Variants in GMFB observed in about 807,000 individuals in gnomAD.
The protein encoded by GMFB is GMF-beta.
In GMFB, 13 loss-of-function variants were observed where a neutral mutation model predicts 25.6. The observed-to-expected ratio is 0.51, with a 90% CI of 0.33 to 0.81. The LOEUF (loss-of-function observed/expected upper bound fraction) is 0.81. Ranked by LOEUF, GMFB falls within the 30% of genes least tolerant of loss-of-function variation. The probability of loss-of-function intolerance (pLI) is 0.02; values close to 1 mark genes in which losing one functional copy is unlikely to be tolerated. For synonymous variants in GMFB, 57 were observed against 56.9 expected (o/e 1.00, Z 0.00); for missense variants, 146 against 175.4 (o/e 0.83, Z 0.95).
At chr14:54,478,893 C>T (rs2031674623) in intron 6 of GMFB, 7 of 152,160 alleles carry the variant, frequency 4.6e-5, no homozygotes, top group Admixed American at 4.6e-4. Context: ...TCAACTTCAG[C>T]ACTGTAGGGC....
chr14:54,488,880 G>C (rs1014776474), intron 1 of GMFB, 45 bp downstream of exon 1: 8 of 1,533,402 alleles, frequency 5.2e-6, no homozygotes, highest in East Asian at 2.7e-5. Flanking sequence ...CCGGCTGGCC[G>C]GCTCGCCCAG....
chr14:54,483,456 A>AT (rs2031740488), intron 2 of GMFB: 3 of 529,622 alleles, frequency 5.7e-6, no homozygotes. Context: ...CAGGCAGCTG[A>AT]TAAAAGGACT....
rs2031661588 is a variant in GMFB at position 54,477,952 on chromosome 14, C to A, written c.*136G>T. 1.8e-5 allele frequency: 9 copies of A among 490,750 alleles called. No homozygotes were observed. The South Asian group carries it at 3.3e-4, about 18-fold the overall frequency. 30.4% of individuals were successfully genotyped at this position (490,750 alleles called of 1,614,324 possible). A position where few individuals can be genotyped will look rare whatever the true frequency, so the allele number is the denominator to read the frequency against. On this transcript the variant is annotated 3_prime_UTR_variant, in exon 7 of 7. Transcript: ENST00000358056. ...ATTTCCTCTTTGTTCAAATTTTGCA[C>A]AAATGAAGAATTTTTCTTTACTGCA...
chr14:54,485,425 C>T (rs1461215009), intron 1 of GMFB, among the ~76,000 whole-genome samples: 1 of 152,000 alleles, frequency 6.6e-6, no homozygotes, highest in East Asian at 1.9e-4. Context: ...ATCTCACTTA[C>T]AATAGCTATA....
At chr14:54,480,749 C>A (rs2031699998) in intron 5 of GMFB, 125 bp downstream of exon 5, 1 of 624,046 alleles carries the variant, frequency 1.6e-6, no homozygotes, top group Non-Finnish European at 2.9e-6. Flanking sequence ...CACATAGACA[C>A]AGACCCTCCT....
chr14:54,487,510 A>T (rs1384293943), intron 1 of GMFB, among the ~76,000 whole-genome samples: 1 of 151,366 alleles, frequency 6.6e-6, no homozygotes, highest in Non-Finnish European at 1.5e-5. Context: ...CTGCACTCCA[A>T]CCAACGCGAC....
intron 1 of GMFB, among the ~76,000 whole-genome samples, chr14:54,485,620 C>T (rs1401297418): frequency 1.3e-5 from 2 of 152,126 alleles, no homozygotes; most frequent in Admixed American, 1.3e-4. Context: ...TCAATGCAAT[C>T]CCCATCAAAA....
intron 1 of GMFB, among the ~76,000 whole-genome samples, chr14:54,486,215 A>G (rs1012603447): frequency 2.0e-5 from 3 of 152,186 alleles, no homozygotes; most frequent in African/African-American, 7.2e-5. Flanking sequence ...GCACCACTGC[A>G]CTCTAGCCTG....
rs745994511 is a variant in GMFB at position 54,479,867 on chromosome 14, A to C, written c.284-8T>G. Reference sequence around the variant, plus strand: ...GTTGTTCAGGCTTACATCCTGGAAAAGAGAGATTAGTGTAGAAATGAGACA... The same window carrying C: ...GTTGTTCAGGCTTACATCCTGGAAACGAGAGATTAGTGTAGAAATGAGACA... On this transcript the variant is annotated splice_polypyrimidine_tract_variant and splice_region_variant and intron_variant, in intron 5 of 6. Coordinates refer to ENST00000358056, the MANE Select transcript of GMFB (RefSeq NM_004124.3). 3 of 1,544,790 alleles carry C rather than the reference A, an allele frequency of 1.9e-6. No individual in the cohort carries two copies. The highest frequency in any genetic ancestry group is 1.8e-6 in the Non-Finnish European group (2 of 1,117,602).
intron 5 of GMFB, 96 bp from the exon 6 acceptor site, chr14:54,479,955 T>C (rs2031689346): frequency 1.4e-6 from 1 of 739,572 alleles, no homozygotes; most frequent in South Asian, 1.6e-5. Flanking sequence ...CATTTAGGAT[T>C]TCCTTTGCTA....
At chr14:54,485,011 G>A (rs1331954573) in intron 1 of GMFB, among the ~76,000 whole-genome samples, 2 of 151,840 alleles carry the variant, frequency 1.3e-5, no homozygotes, top group Non-Finnish European at 1.5e-5. Context: ...ATTGGGTATA[G>A]AAAGAACACA....
intron 1 of GMFB, among the ~76,000 whole-genome samples, chr14:54,485,985 C>G (rs1312005712): frequency 6.6e-6 from 1 of 152,230 alleles, no homozygotes; most frequent in East Asian, 1.9e-4. Flanking sequence ...GGCACAGTGG[C>G]TCACGCCTGT....
In GMFB at chr14:54,475,866, TA is replaced by T. The variant is rs1283260866; in HGVS notation, c.*2221del. ...GTTGTACCAGAAAGATAACGGAATG[TA>T]AAAACTGGAATTATGAAATCTGGAG... On this transcript the variant is annotated 3_prime_UTR_variant, in exon 7 of 7. Transcript: ENST00000358056. The T allele has an allele frequency of 6.6e-6, 1 of 152,096 alleles. No individual in the cohort carries two copies. The highest frequency in any genetic ancestry group is 2.4e-5 in the African/African-American group (1 of 41,400). The allele number at this position is 152,096 out of a possible 1,614,324, so 9.4% of individuals were successfully genotyped here.
intron 6 of GMFB, 188 bp downstream of exon 6, chr14:54,479,598 A>C (rs968367122): frequency 2.1e-6 from 1 of 472,282 alleles, no homozygotes; most frequent in African/African-American, 2.0e-5. Flanking sequence ...TTATTCAAAA[A>C]ATACACTTTG....
chr14:54,483,880 A>G (rs2031746989), intron 1 of GMFB, 113 bp from the exon 2 acceptor site: 4 of 724,408 alleles, frequency 5.5e-6, no homozygotes, highest in Non-Finnish European at 1.0e-5. Flanking sequence ...AATGTCAATT[A>G]AGTGAAAGCA....
intron 1 of GMFB, 83 bp downstream of exon 1, chr14:54,488,842 C>A: frequency 1.6e-6 from 2 of 1,234,464 alleles, no homozygotes; most frequent in East Asian, 5.8e-5. Flanking sequence ...CGCTGCCCGC[C>A]GCCGCCGGCT....
rs2031726704 is a variant in GMFB, at chr14:54,482,511, AG to A, written c.101-310del. On this transcript the variant is annotated intron_variant, in intron 2 of 6. Coordinates refer to ENST00000358056, the MANE Select transcript of GMFB (RefSeq NM_004124.3). ...ACTCAAATCCAACTTCTAGATAATA[AG>A]AAAAAGCCTGAAAGGGTAACTGTAA... is the stretch of plus-strand genomic sequence containing the variant. Among the ~76,000 whole-genome samples, 3 of 152,208 alleles carry A rather than the reference AG, an allele frequency of 2.0e-5. No homozygotes were observed. The South Asian group carries it at 6.2e-4, about 31-fold the overall frequency.
Position 54,480,903 on chromosome 14 carries a change from G to T in GMFB, c.254C>A (p.Pro85His). Reference sequence around the variant, plus strand: ...AGGACTGGAGAAAATAAAGCACAGAGGATATGAAACTCTTCCATCATCATG... The same window carrying T: ...AGGACTGGAGAAAATAAAGCACAGATGATATGAAACTCTTCCATCATCATG... Reference protein sequence around the residue: ...YQHDDGRVSYPLCFIFSSPVG... With the variant: ...YQHDDGRVSYHLCFIFSSPVG... The change falls in exon 5 of 7, where the codon CCT becomes CAT. Residue 85 changes from proline to histidine, a missense_variant. Coordinates refer to ENST00000358056, the MANE Select transcript of GMFB (RefSeq NM_004124.3). 1 of 1,533,452 alleles carries T rather than the reference G, an allele frequency of 6.5e-7. No individual in the cohort carries two copies. The highest frequency in any genetic ancestry group is 9.0e-7 in the Non-Finnish European group (1 of 1,116,370). 95.0% of individuals were successfully genotyped at this position (1,533,452 alleles called of 1,614,324 possible). A position where few individuals can be genotyped will look rare whatever the true frequency, so the allele number is the denominator to read the frequency against.
In GMFB at chr14:54,475,616, A is replaced by C. The variant is rs1241682655; in HGVS notation, c.*2472T>G. ...AACTCAGACATTTTGGAATTTCAGC[A>C]TAGTAACCTGAGAAGTTTTCTTCGT... is the stretch of plus-strand genomic sequence containing the variant. On this transcript the variant is annotated 3_prime_UTR_variant, in exon 7 of 7. Coordinates refer to ENST00000358056, the MANE Select transcript of GMFB (RefSeq NM_004124.3). 1 of 152,570 alleles carries C rather than the reference A, an allele frequency of 6.6e-6. No individual in the cohort carries two copies. Among genetic ancestry groups the C allele is most frequent in the African/African-American group, 2.4e-5 (1 of 41,460 alleles). 9.5% of individuals were successfully genotyped at this position (152,570 alleles called of 1,614,324 possible).
Sources: allele counts gnomAD v4.1 joint callset (sites outside exome capture counted in the v4.1 genomes callset), GRCh38; gene constraint gnomAD v4.1.1; transcripts MANE v1.5; gene names NCBI Gene and HGNC (gene_info 2026-07-23, HGNC 2026-07-21).